RBFOX1: variants seen among roughly 807,000 people sequenced by gnomAD.
The protein encoded by RBFOX1 is RNA binding fox-1 homolog 1.
In RBFOX1, 8 loss-of-function variants were observed where a neutral mutation model predicts 57.7. The ratio of observed to expected loss-of-function variants is 0.14; its 90% CI spans 0.08 to 0.25. The LOEUF (loss-of-function observed/expected upper bound fraction) is 0.25, where lower values mean the gene tolerates loss of function less well. Among genes scored for constraint, RBFOX1 ranks in the 10% least tolerant of loss-of-function variants. RBFOX1 has a pLI of 1.00. For synonymous variants in RBFOX1, 326 were observed against 222.4 expected, an observed-to-expected ratio of 1.47 and a Z score of -4.15; for missense variants, 611 against 548.5, an observed-to-expected ratio of 1.11 and a Z score of -1.14.
intron 3 of RBFOX1, among the ~76,000 whole-genome samples, chr16:6,693,010 A>G (rs2060443496): frequency 6.6e-6 from 1 of 151,856 alleles, no homozygotes. Flanking sequence ...TACCATCACA[A>G]CCATCATCAT....
chr16:7,378,763 C>G (rs574727287), intron 4 of RBFOX1, among the ~76,000 whole-genome samples: 5 of 152,318 alleles, frequency 3.3e-5, no homozygotes, highest in African/African-American at 1.2e-4. Flanking sequence ...GATCTAAGTA[C>G]TGCAGAACAC....
At chr16:7,708,279 G>T (rs940988394) in intron 14 of RBFOX1, among the ~76,000 whole-genome samples, 2 of 152,106 alleles carry the variant, frequency 1.3e-5, no homozygotes, top group Non-Finnish European at 2.9e-5. Context: ...ATATTTAGTA[G>T]GCATTCAGCA....
chr16:6,337,516 G>A (rs1210729728), intron 2 of RBFOX1, among the ~76,000 whole-genome samples: 2 of 152,186 alleles, frequency 1.3e-5, no homozygotes, highest in Non-Finnish European at 2.9e-5. Flanking sequence ...TAAATTAATG[G>A]GGGGAAATGA....
chr16:6,008,577 G>A (rs900575384), intron 4 of RBFOX1, among the ~76,000 whole-genome samples: 3 of 152,120 alleles, frequency 2.0e-5, no homozygotes, highest in Non-Finnish European at 4.4e-5. Context: ...AGAGTTGAAG[G>A]AGCTGGAGTC....
intron 3 of RBFOX1, among the ~76,000 whole-genome samples, chr16:6,786,298 C>G (rs963416055): frequency 3.3e-5 from 5 of 152,248 alleles, no homozygotes; most frequent in South Asian, 4.1e-4. Context: ...CTCTTAACCA[C>G]TTGTTATAAT....
chr16:7,166,534 G>T (rs1362941315), intron 4 of RBFOX1, among the ~76,000 whole-genome samples: 1 of 152,146 alleles, frequency 6.6e-6, no homozygotes, highest in Non-Finnish European at 1.5e-5. Flanking sequence ...CCTCAAAGAA[G>T]CCTAGAGCTG....
At chr16:6,943,177 G>C (rs1031052969) in intron 3 of RBFOX1, among the ~76,000 whole-genome samples, 1 of 152,178 alleles carries the variant, frequency 6.6e-6, no homozygotes, top group Admixed American at 6.5e-5. Flanking sequence ...ACTCTCCACA[G>C]ACCTGAGCTT....
intron 3 of RBFOX1, among the ~76,000 whole-genome samples, chr16:6,957,860 G>T (rs948412299): frequency 6.6e-6 from 1 of 152,142 alleles, no homozygotes; most frequent in African/African-American, 2.4e-5. Flanking sequence ...CTCCTAGCGT[G>T]ACAGTTGCAG....
intron 10 of RBFOX1, among the ~76,000 whole-genome samples, chr16:7,613,622 C>T (rs954187294): frequency 3.9e-5 from 6 of 152,034 alleles, no homozygotes; most frequent in African/African-American, 1.5e-4. Flanking sequence ...CTCGGATTTA[C>T]CCATACCAAA....
rs1301101419 is a variant in RBFOX1 at position 7,612,613 on chromosome 16, AT to A, written c.676+5276del. ...ATTTCCCTTGTCTTCTAATAAAAAA[AT>A]ATATATATATATTTTTAAAAGCAGT... On this transcript the variant is annotated intron_variant, in intron 10 of 15. Coordinates refer to ENST00000550418, the MANE Select transcript of RBFOX1 (RefSeq NM_018723.4). Among the ~76,000 whole-genome samples, 87 of 151,054 alleles carry A rather than the reference AT, an allele frequency of 5.8e-4. 1 individual carries two copies. Among genetic ancestry groups the A allele is most frequent in the Admixed American group, 4.0e-3 (61 of 15,172 alleles).
intron 3 of RBFOX1, among the ~76,000 whole-genome samples, chr16:5,856,239 G>GTATATATA (rs1567631282): frequency 8.4e-5 from 2 of 23,784 alleles, no homozygotes; most frequent in African/African-American, 2.9e-4. Context: ...GTATATATAT[G>GTATATATA]TGTATATATA....
intron 3 of RBFOX1, among the ~76,000 whole-genome samples, chr16:6,911,738 T>G (rs1596996291): frequency 6.6e-6 from 1 of 152,344 alleles, no homozygotes; most frequent in East Asian, 1.9e-4. Context: ...GTATTGTGTT[T>G]ATTTTACCAT....
At chr16:5,697,920 C>G (rs925808179) in intron 3 of RBFOX1, among the ~76,000 whole-genome samples, 22 of 152,106 alleles carry the variant, frequency 1.4e-4, no homozygotes, top group African/African-American at 5.3e-4. Flanking sequence ...CCCTACTGTA[C>G]CAAGTTTGCT....
At chr16:6,363,018 CA>C (rs2088883250) in intron 2 of RBFOX1, among the ~76,000 whole-genome samples, 1 of 152,150 alleles carries the variant, frequency 6.6e-6, no homozygotes, top group Non-Finnish European at 1.5e-5. Flanking sequence ...CTTGGGTCTT[CA>C]AAGCAGGCGT....
intron 2 of RBFOX1, among the ~76,000 whole-genome samples, chr16:6,628,156 C>T (rs1398104546): frequency 5.3e-5 from 8 of 152,318 alleles, no homozygotes; most frequent in Admixed American, 4.6e-4. Context: ...TATGGCGTTA[C>T]CTTCTGCCTC....
intron 14 of RBFOX1, among the ~76,000 whole-genome samples, chr16:7,681,376 T>C (rs1267527707): frequency 6.6e-6 from 1 of 152,146 alleles, no homozygotes; most frequent in Non-Finnish European, 1.5e-5. Context: ...TAAATCCTTA[T>C]GCACAAAAGA....
chr16:6,830,520 C>T (rs146381022), intron 3 of RBFOX1, among the ~76,000 whole-genome samples: 1 of 152,058 alleles, frequency 6.6e-6, no homozygotes, highest in South Asian at 2.1e-4. Flanking sequence ...CTGTTTTGTT[C>T]CCCCAGGGGA....
At chr16:6,688,840 A>C (rs775337660) in intron 3 of RBFOX1, among the ~76,000 whole-genome samples, 5 of 151,930 alleles carry the variant, frequency 3.3e-5, no homozygotes, top group Non-Finnish European at 7.4e-5. Flanking sequence ...CCCTGTGTCC[A>C]TGTGTTCTCA....
At position 6,415,418 on chromosome 16, in the gene RBFOX1, G is replaced by A. The variant is rs977912539; in HGVS notation, c.-64+98361G>A. ...CGTTTAAAACTGGAGAGTCTGGGCC[G>A]GGCGTGGTGGCTCACACCTGTAATC... On this transcript the variant is annotated intron_variant, in intron 2 of 15. Transcript: ENST00000550418. 5.9e-5 allele frequency among the ~76,000 whole-genome samples: 9 copies of A among 151,968 alleles called. No homozygotes were observed. The South Asian group carries it at 1.3e-3, about 21-fold the overall frequency.
Sources: gnomAD v4.1 joint callset for allele counts (sites outside exome capture counted in the v4.1 genomes callset) on GRCh38, gnomAD v4.1.1 for gene constraint, MANE v1.5 for transcripts, NCBI Gene and HGNC (gene_info 2026-07-23, HGNC 2026-07-21) for gene names.